The following LHFPL3 variants were observed in gnomAD, a reference collection of about 807,000 sequenced individuals.
LHFPL3 encodes LHFPL tetraspan subfamily member 3, also known as LHFPL tetraspan subfamily member 3 protein.
In LHFPL3, 5 loss-of-function variants were observed where a neutral mutation model predicts 19.3. The observed-to-expected ratio is 0.26, with a 90% CI of 0.14 to 0.54. The LOEUF (loss-of-function observed/expected upper bound fraction) is 0.54, where lower values mean the gene tolerates loss of function less well. Among genes scored for constraint, LHFPL3 ranks in the 20% least tolerant of loss-of-function variants. The pLI is 0.94. For synonymous variants in LHFPL3, 133 were observed against 126.2 expected, an observed-to-expected ratio of 1.05 and a Z score of -0.36; for missense variants, 249 against 307.4, an observed-to-expected ratio of 0.81 and a Z score of 1.42.
At chr7:104,515,590 C>G (rs554665182) in intron 1 of LHFPL3, among the ~76,000 whole-genome samples, 1 of 152,124 alleles carries the variant, frequency 6.6e-6, no homozygotes, top group Non-Finnish European at 1.5e-5. Flanking sequence ...GGGGTTGTGA[C>G]ATAAACCTCA....
At chr7:104,825,716 T>G (rs1215952396) in intron 2 of LHFPL3, among the ~76,000 whole-genome samples, 1 of 151,964 alleles carries the variant, frequency 6.6e-6, no homozygotes, top group African/African-American at 2.4e-5. Flanking sequence ...TTTCCAGCTT[T>G]ATTTTTGCAT....
intron 1 of LHFPL3, among the ~76,000 whole-genome samples, chr7:104,384,821 A>C (rs1369095040): frequency 6.6e-6 from 1 of 151,500 alleles, no homozygotes; most frequent in Non-Finnish European, 1.5e-5. Flanking sequence ...AGAAGAATGA[A>C]TATATCAAAA....
At position 104,329,161 on chromosome 7, in the gene LHFPL3, CTCT is replaced by C. The variant is rs761824415; in HGVS notation, c.392_394del (p.Phe131del). 1.4e-5 allele frequency: 22 copies of C among 1,613,872 alleles called. No homozygotes were observed. The highest frequency in any genetic ancestry group is 5.3e-5 in the African/African-American group (4 of 74,952). The stretch of plus-strand genomic sequence containing the variant: ...CATTGCCTGCATCATTTGCTTTACC[CTCT>C]TCTTCTTCTGCAACACGGCCACTGT... On this transcript the variant is annotated inframe_deletion, in exon 1 of 3. Coordinates refer to ENST00000424859, the MANE Select transcript of LHFPL3 (RefSeq NM_199000.3).
intron 1 of LHFPL3, among the ~76,000 whole-genome samples, chr7:104,363,114 AG>A (rs1790421622): frequency 6.6e-6 from 1 of 152,222 alleles, no homozygotes; most frequent in African/African-American, 2.4e-5. Flanking sequence ...CTTCTCCTCA[AG>A]GGAGAAGGGA....
At chr7:104,859,243 G>C (rs1462157580) in intron 2 of LHFPL3, among the ~76,000 whole-genome samples, 1 of 150,716 alleles carries the variant, frequency 6.6e-6, no homozygotes, top group Non-Finnish European at 1.5e-5. Context: ...CTCCAGCCTG[G>C]GCAACAGAGT....
intron 2 of LHFPL3, among the ~76,000 whole-genome samples, chr7:104,819,139 C>T (rs1351421641): frequency 1.3e-5 from 2 of 152,086 alleles, no homozygotes; most frequent in East Asian, 3.8e-4. Context: ...GTAAATGCAA[C>T]TGAAAATCTT....
chr7:104,592,549 G>C (rs372886573), intron 1 of LHFPL3, among the ~76,000 whole-genome samples: 41 of 152,232 alleles, frequency 2.7e-4, no homozygotes, highest in African/African-American at 8.9e-4. Context: ...GGCCACTGGG[G>C]GATCAGGGAC....
chr7:104,604,537 T>G (rs1791053442), intron 1 of LHFPL3, among the ~76,000 whole-genome samples: 1 of 152,226 alleles, frequency 6.6e-6, no homozygotes, highest in Admixed American at 6.5e-5. Context: ...AAACATACCT[T>G]TTCAATCTTT....
intron 1 of LHFPL3, among the ~76,000 whole-genome samples, chr7:104,568,256 T>C (rs1485704161): frequency 6.6e-6 from 1 of 152,244 alleles, no homozygotes; most frequent in Non-Finnish European, 1.5e-5. Flanking sequence ...AAGGTGATTC[T>C]GATGTGCAAT....
intron 1 of LHFPL3, among the ~76,000 whole-genome samples, chr7:104,471,133 C>A (rs1038065244): frequency 1.3e-5 from 2 of 152,136 alleles, no homozygotes; most frequent in African/African-American, 4.8e-5. Flanking sequence ...ATGAAAAAGA[C>A]AAACATTTCT....
rs114426078 is a variant in LHFPL3, at chr7:104,418,146, G to T, written c.445+88922G>T. Among the ~76,000 whole-genome samples, 162 of 152,098 alleles carry T rather than the reference G, an allele frequency of 1.1e-3. 1 individual carries two copies. Among genetic ancestry groups the T allele is most frequent in the African/African-American group, 3.7e-3 (152 of 41,490 alleles). ...CTGCCTTGGCCTCCCAAAATACTGC[G>T]ATTACAGGTGTGAGCCATGGCACCC... On this transcript the variant is annotated intron_variant, in intron 1 of 2. Coordinates refer to ENST00000424859, the MANE Select transcript of LHFPL3 (RefSeq NM_199000.3).
rs117623452 is a variant in LHFPL3, at chr7:104,487,554, C to T, written c.445+158330C>T. On this transcript the variant is annotated intron_variant, in intron 1 of 2. Transcript: ENST00000424859. ...TTTGGGATGTGGGAGGAAGCTGGAG[C>T]ACCCAGAGAAAACCCATGCAGACAC... Among the ~76,000 whole-genome samples, 1,202 of 152,296 alleles carry T rather than the reference C, an allele frequency of 7.9e-3. 39 individuals carry two copies. The highest frequency in any genetic ancestry group is 0.054 in the East Asian group (279 of 5,168).
intron 1 of LHFPL3, among the ~76,000 whole-genome samples, chr7:104,366,323 G>C (rs1377675939): frequency 1.3e-5 from 2 of 152,174 alleles, no homozygotes; most frequent in Non-Finnish European, 2.9e-5. Flanking sequence ...CAGAGTGCTG[G>C]ATTGTGAGTT....
chr7:104,754,343 T>C (rs780809440), intron 2 of LHFPL3, among the ~76,000 whole-genome samples: 2 of 152,150 alleles, frequency 1.3e-5, no homozygotes, highest in Non-Finnish European at 2.9e-5. Flanking sequence ...ATATATACGT[T>C]AATGGTTGCC....
In LHFPL3 at chr7:104,499,294, A is replaced by G. The variant is rs147494749; in HGVS notation, c.445+170070A>G. Among the ~76,000 whole-genome samples the G allele has an allele frequency of 5.5e-3, 836 of 152,356 alleles. 11 individuals carry two copies. Among genetic ancestry groups the G allele is most frequent in the African/African-American group, 0.019 (793 of 41,588 alleles). On this transcript the variant is annotated intron_variant, in intron 1 of 2. Transcript: ENST00000424859. ...CTATTTGCTCATTTGCAAAATGAATAGCACTTTCCCTTTTCACCTTGCTGT... is the reference window on the plus strand; with the variant it reads ...CTATTTGCTCATTTGCAAAATGAATGGCACTTTCCCTTTTCACCTTGCTGT...
intron 2 of LHFPL3, among the ~76,000 whole-genome samples, chr7:104,905,643 G>A (rs1792582659): frequency 6.6e-6 from 1 of 152,140 alleles, no homozygotes; most frequent in African/African-American, 2.4e-5. Flanking sequence ...TTAATGTAAT[G>A]TTTAAATGTT....
At chr7:104,678,290 C>T (rs1319273577) in intron 1 of LHFPL3, among the ~76,000 whole-genome samples, 4 of 152,142 alleles carry the variant, frequency 2.6e-5, no homozygotes, top group African/African-American at 7.2e-5. Flanking sequence ...AGGTTTAATG[C>T]TAGTCTGTAT....
chr7:104,559,590 T>A (rs113090354), intron 1 of LHFPL3, among the ~76,000 whole-genome samples: 1 of 152,230 alleles, frequency 6.6e-6, no homozygotes, highest in East Asian at 1.9e-4. Context: ...GCTGAGACGA[T>A]GGGGTTTTAT....
At chr7:104,815,956 C>G (rs1455482200) in intron 2 of LHFPL3, among the ~76,000 whole-genome samples, 1 of 152,180 alleles carries the variant, frequency 6.6e-6, no homozygotes, top group Non-Finnish European at 1.5e-5. Flanking sequence ...TTCAGAATGA[C>G]AGACCAAACC....
Sources: gnomAD v4.1 joint callset for allele counts (sites outside exome capture counted in the v4.1 genomes callset) on GRCh38, gnomAD v4.1.1 for gene constraint, MANE v1.5 for transcripts, NCBI Gene and HGNC (gene_info 2026-07-23, HGNC 2026-07-21) for gene names.